Variants in ITPR1 observed in about 807,000 individuals in gnomAD.
ITPR1 encodes inositol 1,4,5-trisphosphate receptor type 1, also known as inositol 1,4,5-trisphosphate-gated calcium channel ITPR1.
A neutral mutation model predicts 318.4 loss-of-function variants in ITPR1; 96 were observed. The observed-to-expected ratio is 0.30, with a 90% CI of 0.26 to 0.36. The LOEUF (loss-of-function observed/expected upper bound fraction) is 0.36, where lower values mean the gene tolerates loss of function less well. Ranked by LOEUF, ITPR1 falls within the 10% of genes least tolerant of loss-of-function variation. The probability of loss-of-function intolerance (pLI) is 1.00; values close to 1 mark genes in which losing one functional copy is unlikely to be tolerated. For synonymous variants in ITPR1, 1,312 were observed against 1,289.9 expected (o/e 1.02, Z -0.37); for missense variants, 2,440 against 3,460.2 (o/e 0.71, Z 7.40).
intron 56 of ITPR1, 66 bp from the exon 57 acceptor site, chr3:4,813,076 G>A: frequency 8.9e-7 from 1 of 1,118,726 alleles, no homozygotes. Context: ...CGTGAATTGG[G>A]GACTTCAAAC....
chr3:4,501,664 A>G (rs1177260086), intron 2 of ITPR1, among the ~76,000 whole-genome samples: 1 of 152,260 alleles, frequency 6.6e-6, no homozygotes, highest in Admixed American at 6.5e-5. Flanking sequence ...TGAAGTGGAA[A>G]GGTAGGCTAA....
intron 4 of ITPR1, among the ~76,000 whole-genome samples, chr3:4,580,100 C>A (rs1010461439): frequency 6.6e-6 from 1 of 152,028 alleles, no homozygotes; most frequent in African/African-American, 2.4e-5. Flanking sequence ...GTCCCAGCTA[C>A]CCGGGAGGCT....
intron 44 of ITPR1, among the ~76,000 whole-genome samples, chr3:4,757,690 C>T (rs984084050): frequency 3.9e-5 from 6 of 152,158 alleles, no homozygotes; most frequent in African/African-American, 1.2e-4. Context: ...GATAATGGCA[C>T]CTACCCCATG....
In ITPR1 at chr3:4,685,142, G is replaced by A. The variant is rs1451984191; in HGVS notation, c.3638G>A (p.Arg1213His). ...AGAAAGAGCAGGAAGCAGCAACAGC[G>A]TCTGCTCCGGAACATGGGCGCGCAC... ...SVRKSRKQQQRLLRNMGAHAV... is the reference protein window; with the variant it reads ...SVRKSRKQQQHLLRNMGAHAV... The change falls in exon 30 of 62, where the codon CGT (arginine) becomes CAT (histidine). Residue 1213 changes from arginine (R) to histidine (H), a missense_variant. Physicochemically the swap from Arg to His is conservative, Grantham distance 29. Around this residue, in one of 23 missense-constraint regions of ITPR1, gnomAD observed 222 missense variants for 318.8 expected, o/e 0.70. Transcript: ENST00000649015. The A allele has an allele frequency of 4.3e-6, 7 of 1,609,992 alleles. No individual in the cohort carries two copies. The highest frequency in any genetic ancestry group is 3.3e-5 in the South Asian group (3 of 90,348).
At chr3:4,659,649 G>A (rs531874406) in intron 13 of ITPR1, among the ~76,000 whole-genome samples, 4 of 151,706 alleles carry the variant, frequency 2.6e-5, no homozygotes, top group African/African-American at 9.7e-5. Context: ...TGTGCCAACT[G>A]TACTCCAGCC....
chr3:4,585,091 C>T lies in ITPR1; in HGVS notation c.164-42672C>T, dbSNP rs73009427. Among the ~76,000 whole-genome samples, 14 of 152,212 alleles carry T rather than the reference C, an allele frequency of 9.2e-5. No homozygotes were observed. In the East Asian group the frequency reaches 1.5e-3, roughly 17 times the overall value. On this transcript the variant is annotated intron_variant, in intron 4 of 61. Coordinates refer to ENST00000649015, the MANE Select transcript of ITPR1 (RefSeq NM_001378452.1). ...TAACTGTGTGCGGCTGTTCCCTGCC[C>T]GGGCAGTTGTGTTGTCATCTTGATA... is the stretch of plus-strand genomic sequence containing the variant.
intron 38 of ITPR1, 166 bp from the exon 39 acceptor site, chr3:4,711,591 C>G (rs2041374850): frequency 6.8e-6 from 4 of 584,244 alleles, no homozygotes; most frequent in East Asian, 2.8e-5. Context: ...GACACAGTTG[C>G]TAACTGGCTG....
chr3:4,653,973 G>A, intron 12 of ITPR1, 87 bp downstream of exon 12: 2 of 927,298 alleles, frequency 2.2e-6, no homozygotes, highest in South Asian at 2.9e-5. Flanking sequence ...TGTCACTGTG[G>A]TCACGGAGTG....
At chr3:4,632,338 T>A (rs2093039528) in intron 5 of ITPR1, among the ~76,000 whole-genome samples, 1 of 152,176 alleles carries the variant, frequency 6.6e-6, no homozygotes, top group Non-Finnish European at 1.5e-5. Context: ...AACTCTTTCC[T>A]CTCCTATACT....
chr3:4,674,306 C>G lies in ITPR1; in HGVS notation c.2561C>G (p.Pro854Arg). 6.2e-7 allele frequency: 1 copy of G among 1,605,138 alleles called. No individual in the cohort carries two copies. Residue 854 changes from proline (P) to arginine (R), a missense_variant, in exon 22 of 62, where the codon CCT becomes CGT. By Grantham distance (103) the Pro-to-Arg change is moderately radical (BLOSUM62 -2). This residue lies in a region of ITPR1 where 478 missense variants were observed against 696.3 expected (regional missense o/e 0.69). Transcript: ENST00000649015. ...YLRDVVCQRF[P>R]FSDKEKNKLT... Reference sequence around the variant, plus strand: ...AGAGATGTGGTTTGTCAGAGGTTCCCTTTCTCTGATAAAGAGAAGAATAAG... The same window carrying G: ...AGAGATGTGGTTTGTCAGAGGTTCCGTTTCTCTGATAAAGAGAAGAATAAG...
At chr3:4,534,047 C>T (rs1280454943) in intron 4 of ITPR1, among the ~76,000 whole-genome samples, 2 of 152,234 alleles carry the variant, frequency 1.3e-5, no homozygotes, top group African/African-American at 4.8e-5. Flanking sequence ...GCCAGCCTGC[C>T]AAGTGGCATT....
chr3:4,666,025 A>C (rs2093939809), intron 17 of ITPR1, among the ~76,000 whole-genome samples: 1 of 152,194 alleles, frequency 6.6e-6, no homozygotes, highest in African/African-American at 2.4e-5. Context: ...AACACCCAGC[A>C]GTGCCAAGGA....
intron 4 of ITPR1, among the ~76,000 whole-genome samples, chr3:4,581,265 T>C (rs1225334283): frequency 6.6e-6 from 1 of 152,180 alleles, no homozygotes; most frequent in Non-Finnish European, 1.5e-5. Flanking sequence ...GAGAGGCCCA[T>C]GTGAGTCTTG....
At chr3:4,564,131 G>C (rs1246351299) in intron 4 of ITPR1, among the ~76,000 whole-genome samples, 1 of 152,018 alleles carries the variant, frequency 6.6e-6, no homozygotes, top group African/African-American at 2.4e-5. Context: ...TGTAGAGACG[G>C]GGTTTCACCA....
chr3:4,609,863 A>G lies in ITPR1; in HGVS notation c.164-17900A>G, dbSNP rs143369251. 4.9e-3 allele frequency among the ~76,000 whole-genome samples: 754 copies of G among 152,348 alleles called. 4 individuals carry two copies. The highest frequency in any genetic ancestry group is 0.017 in the African/African-American group (718 of 41,590). On this transcript the variant is annotated intron_variant, in intron 4 of 61. Coordinates refer to ENST00000649015, the MANE Select transcript of ITPR1 (RefSeq NM_001378452.1). Reference sequence around the variant, plus strand: ...GTCTCTCTGTGGAGAAACGGGGCCAAACCAGCAGTGACAGCTCTGCTCAGC... The same window carrying G: ...GTCTCTCTGTGGAGAAACGGGGCCAGACCAGCAGTGACAGCTCTGCTCAGC...
chr3:4,662,013 T>C (rs1377837253), intron 14 of ITPR1, 69 bp from the exon 15 acceptor site: 4 of 1,340,192 alleles, frequency 3.0e-6, no homozygotes, highest in East Asian at 4.7e-5. Context: ...CTCGTAAATG[T>C]AGTGTTTGAT....
At chr3:4,528,633 A>G (rs1355804921) in intron 4 of ITPR1, among the ~76,000 whole-genome samples, 3 of 152,160 alleles carry the variant, frequency 2.0e-5, no homozygotes, top group Non-Finnish European at 2.9e-5. Flanking sequence ...TTTGATTCTA[A>G]TCCATGACAG....
chr3:4,675,644 A>G (rs2094169100), intron 23 of ITPR1, among the ~76,000 whole-genome samples: 1 of 152,148 alleles, frequency 6.6e-6, no homozygotes, highest in South Asian at 2.1e-4. Flanking sequence ...GAGACCCTTG[A>G]TAATAATATT....
At chr3:4,716,319 A>T (rs892872578) in intron 39 of ITPR1, among the ~76,000 whole-genome samples, 1 of 152,150 alleles carries the variant, frequency 6.6e-6, no homozygotes, top group Non-Finnish European at 1.5e-5. Flanking sequence ...AGGAAACATA[A>T]TTATTTTATG....
Sources: allele counts gnomAD v4.1 joint callset (sites outside exome capture counted in the v4.1 genomes callset), GRCh38; gene constraint gnomAD v4.1.1; regional missense constraint gnomAD v4.1.1; transcripts MANE v1.5; gene names NCBI Gene and HGNC (gene_info 2026-07-23, HGNC 2026-07-21).